SLC35F3: variants seen among roughly 807,000 people sequenced by gnomAD.
SLC35F3 encodes putative thiamine transporter SLC35F3.
In SLC35F3, 25 loss-of-function variants were observed where a neutral mutation model predicts 49.9. That is an observed-to-expected ratio of 0.50 (90% CI 0.37 to 0.70). The LOEUF (loss-of-function observed/expected upper bound fraction) is 0.70. SLC35F3 is among the 30% of genes least tolerant of loss of function. The pLI is 0.00. For synonymous variants in SLC35F3, 275 were observed against 265.4 expected, an observed-to-expected ratio of 1.04 and a Z score of -0.35; for missense variants, 525 against 639.8, an observed-to-expected ratio of 0.82 and a Z score of 1.94.
At position 234,119,859 on chromosome 1, in the gene SLC35F3, G is replaced by A. The variant is rs544542091; in HGVS notation, c.284-111558G>A. Among the ~76,000 whole-genome samples the A allele has an allele frequency of 1.2e-4, 19 of 152,052 alleles. No individual in the cohort carries two copies. In the South Asian group the frequency reaches 2.7e-3, roughly 22 times the overall value. On this transcript the variant is annotated intron_variant, in intron 2 of 7. Coordinates refer to ENST00000366618, the MANE Select transcript of SLC35F3 (RefSeq NM_173508.4). Reference sequence around the variant, plus strand: ...AGCAATATGCACTATTTTCTTTTTCGCACACACACACTCAATTTACAGCCT... The same window carrying A: ...AGCAATATGCACTATTTTCTTTTTCACACACACACACTCAATTTACAGCCT...
At chr1:234,181,557 C>T (rs998004726) in intron 2 of SLC35F3, among the ~76,000 whole-genome samples, 3 of 152,234 alleles carry the variant, frequency 2.0e-5, no homozygotes, top group South Asian at 4.2e-4. Context: ...TCTAAAATAT[C>T]TTTTAATCTA....
At chr1:234,309,931 A>G (rs1434570725) in intron 4 of SLC35F3, among the ~76,000 whole-genome samples, 1 of 152,176 alleles carries the variant, frequency 6.6e-6, no homozygotes, top group African/African-American at 2.4e-5. Flanking sequence ...ATTACCTCTC[A>G]TTTTACAACC....
intron 2 of SLC35F3, among the ~76,000 whole-genome samples, chr1:234,142,023 C>A (rs1017571620): frequency 5.3e-5 from 8 of 152,140 alleles, no homozygotes; most frequent in Non-Finnish European, 7.3e-5. Context: ...ACTGTCTCCC[C>A]CTCTGCCTGG....
chr1:234,170,861 C>T (rs549706129), intron 2 of SLC35F3, among the ~76,000 whole-genome samples: 3 of 152,188 alleles, frequency 2.0e-5, no homozygotes, highest in Admixed American at 6.5e-5. Flanking sequence ...GTGGCCTTGC[C>T]GTGGGGACAG....
At chr1:234,132,044 C>T (rs1424581689) in intron 2 of SLC35F3, among the ~76,000 whole-genome samples, 1 of 152,108 alleles carries the variant, frequency 6.6e-6, no homozygotes, top group Non-Finnish European at 1.5e-5. Flanking sequence ...TATTGCCTAA[C>T]ACAGAAGTCA....
chr1:234,313,375 G>A (rs943446074), intron 4 of SLC35F3, among the ~76,000 whole-genome samples: 6 of 152,204 alleles, frequency 3.9e-5, no homozygotes, highest in African/African-American at 7.2e-5. Flanking sequence ...GCCTGGGTGC[G>A]TGGGACTCAG....
chr1:234,151,940 C>T (rs1053863768), intron 2 of SLC35F3, among the ~76,000 whole-genome samples: 5 of 151,794 alleles, frequency 3.3e-5, no homozygotes, highest in South Asian at 2.1e-4. Flanking sequence ...TTCTGTTTGC[C>T]GTATGGTTGA....
At chr1:233,981,337 TACACAATC>T (rs1454563683) in intron 2 of SLC35F3, among the ~76,000 whole-genome samples, 1 of 152,228 alleles carries the variant, frequency 6.6e-6, no homozygotes, top group African/African-American at 2.4e-5. Flanking sequence ...CCTCTAACCC[TACACAATC>T]ACTAATCTCT....
intron 2 of SLC35F3, among the ~76,000 whole-genome samples, chr1:234,067,952 A>G (rs1457599955): frequency 6.6e-6 from 1 of 152,188 alleles, no homozygotes; most frequent in African/African-American, 2.4e-5. Context: ...GACCTCTGAA[A>G]TATCTGTTTG....
At chr1:234,077,903 C>T (rs1403038388) in intron 2 of SLC35F3, among the ~76,000 whole-genome samples, 1 of 152,172 alleles carries the variant, frequency 6.6e-6, no homozygotes, top group Non-Finnish European at 1.5e-5. Context: ...ACACTTTATT[C>T]CCAGCAGATG....
chr1:234,107,363 T>C (rs1373123716), intron 2 of SLC35F3, among the ~76,000 whole-genome samples: 1 of 152,176 alleles, frequency 6.6e-6, no homozygotes, highest in Non-Finnish European at 1.5e-5. Flanking sequence ...GAGTGAAGAA[T>C]TGGCACCAGT....
At chr1:234,309,015 T>TA (rs11359233) in intron 3 of SLC35F3, 86 bp from the exon 4 acceptor site, 25,059 of 941,300 alleles carry the variant, frequency 0.027, 26 homozygotes, top group Non-Finnish European at 0.032. Context: ...TATATTTGCT[T>TA]AAAAAAAAAA....
At chr1:234,096,426 C>T (rs1665124597) in intron 2 of SLC35F3, among the ~76,000 whole-genome samples, 1 of 152,134 alleles carries the variant, frequency 6.6e-6, no homozygotes, top group Non-Finnish European at 1.5e-5. Flanking sequence ...ATGGAACGTG[C>T]TTCATCAATA....
intron 2 of SLC35F3, among the ~76,000 whole-genome samples, chr1:234,044,311 A>G (rs1026976195): frequency 6.6e-6 from 1 of 152,172 alleles, no homozygotes; most frequent in Non-Finnish European, 1.5e-5. Flanking sequence ...TTTCTTTATA[A>G]ATTACCCAGC....
At chr1:234,067,630 TC>T (rs1462794577) in intron 2 of SLC35F3, among the ~76,000 whole-genome samples, 1 of 152,162 alleles carries the variant, frequency 6.6e-6, no homozygotes, top group Non-Finnish European at 1.5e-5. Context: ...TGGGTTGTCC[TC>T]CTGGAGGATA....
intron 2 of SLC35F3, among the ~76,000 whole-genome samples, chr1:233,989,087 G>A: frequency 6.6e-6 from 1 of 152,110 alleles, no homozygotes; most frequent in Non-Finnish European, 1.5e-5. Flanking sequence ...TTGTCAAGAT[G>A]GTCACAGATT....
chr1:234,211,240 A>G (rs1312943063), intron 2 of SLC35F3, among the ~76,000 whole-genome samples: 1 of 152,234 alleles, frequency 6.6e-6, no homozygotes, highest in African/African-American at 2.4e-5. Flanking sequence ...TGGCACCCTC[A>G]TGGAGAACCT....
At chr1:234,073,314 A>T (rs1271356252) in intron 2 of SLC35F3, among the ~76,000 whole-genome samples, 1 of 151,638 alleles carries the variant, frequency 6.6e-6, no homozygotes, top group Non-Finnish European at 1.5e-5. Context: ...TGGCTAATTT[A>T]AAAAAAAATT....
At chr1:234,198,968 C>T (rs557341823) in intron 2 of SLC35F3, among the ~76,000 whole-genome samples, 32 of 151,480 alleles carry the variant, frequency 2.1e-4, no homozygotes, top group African/African-American at 6.8e-4. Context: ...TCTATAATCC[C>T]GGAACATTGG....
Sources: gnomAD v4.1 joint callset for allele counts (sites outside exome capture counted in the v4.1 genomes callset) on GRCh38, gnomAD v4.1.1 for gene constraint, MANE v1.5 for transcripts, NCBI Gene and HGNC (gene_info 2026-07-23, HGNC 2026-07-21) for gene names.